MAPK14: variants seen among roughly 807,000 people sequenced by gnomAD.
MAPK14 encodes CSAID-binding protein.
Under a neutral mutation model 49.6 loss-of-function variants are expected in MAPK14, and 16 were observed. The observed-to-expected ratio is 0.32, with a 90% CI of 0.22 to 0.49. The LOEUF (loss-of-function observed/expected upper bound fraction) is 0.49. MAPK14 is among the 20% of genes least tolerant of loss of function. The probability of loss-of-function intolerance (pLI) is 0.99; values close to 1 mark genes in which losing one functional copy is unlikely to be tolerated. For synonymous variants in MAPK14, 142 were observed against 158.0 expected (o/e 0.90, Z 0.76); for missense variants, 200 against 441.2 (o/e 0.45, Z 4.90).
At chr6:36,045,768 C>A (rs1330751951) in intron 1 of MAPK14, among the ~76,000 whole-genome samples, 4 of 141,576 alleles carry the variant, frequency 2.8e-5, no homozygotes, top group Non-Finnish European at 4.5e-5. Flanking sequence ...GAGATCGCGC[C>A]ACTGCACTCC....
chr6:36,036,803 C>T (rs1331006636), intron 1 of MAPK14, among the ~76,000 whole-genome samples: 3 of 152,100 alleles, frequency 2.0e-5, no homozygotes, highest in Admixed American at 6.5e-5. Context: ...TGCAGTGGCA[C>T]GATCTTGGCT....
rs1284126217 is a variant in MAPK14 at position 36,107,289 on chromosome 6, CACAT to C, written c.842-162_842-159del. On this transcript the variant is annotated intron_variant, in intron 10 of 11. Coordinates refer to ENST00000229794, the MANE Select transcript of MAPK14 (RefSeq NM_139012.3). This position sits in a 1 kb window ranked among gnomAD's most constrained non-coding sequence, Gnocchi z 4.3. Reference sequence around the variant, plus strand: ...ACAGATACACACACACACACACACACACATACACACATAAAGGAGAAGAGGGCTA... The same window carrying C: ...ACAGATACACACACACACACACACACACACACATAAAGGAGAAGAGGGCTA... Among the ~76,000 whole-genome samples the C allele has an allele frequency of 7.3e-5, 11 of 150,472 alleles. No homozygotes were observed. Among genetic ancestry groups the C allele is most frequent in the African/African-American group, 2.2e-4 (9 of 40,674 alleles).
At chr6:36,101,061 A>G (rs899159614) in intron 9 of MAPK14, among the ~76,000 whole-genome samples, 1 of 152,146 alleles carries the variant, frequency 6.6e-6, no homozygotes, top group African/African-American at 2.4e-5. Context: ...TATGTATTCA[A>G]TTCCTAAAAC....
At chr6:36,103,313 T>TTTA (rs1414719405) in intron 10 of MAPK14, among the ~76,000 whole-genome samples, 1 of 146,020 alleles carries the variant, frequency 6.8e-6, no homozygotes, top group African/African-American at 2.5e-5. Context: ...AAGGAGTTGC[T>TTTA]TTATTATTAT....
intron 3 of MAPK14, among the ~76,000 whole-genome samples, chr6:36,070,443 G>A (rs1427329948): frequency 6.6e-6 from 1 of 152,138 alleles, no homozygotes; most frequent in Non-Finnish European, 1.5e-5. Context: ...CAGAGTTATT[G>A]GGAAGAGTAC....
intron 3 of MAPK14, among the ~76,000 whole-genome samples, chr6:36,070,156 G>A (rs774225649): frequency 5.9e-5 from 9 of 152,286 alleles, no homozygotes; most frequent in Non-Finnish European, 1.3e-4. Flanking sequence ...ACAGTATTGA[G>A]AATTACTAAG....
intron 1 of MAPK14, among the ~76,000 whole-genome samples, chr6:36,034,931 C>T (rs1246771144): frequency 7.4e-6 from 1 of 135,924 alleles, no homozygotes; most frequent in African/African-American, 2.9e-5. Context: ...CGGAGTTCTG[C>T]TCTGTCGCCC....
Position 36,028,881 on chromosome 6 carries a change from C to T in MAPK14, c.116+608C>T, listed in dbSNP as rs963077758. Among the ~76,000 whole-genome samples the T allele has an allele frequency of 6.7e-6, 1 of 149,448 alleles. No homozygotes were observed. Among genetic ancestry groups the T allele is most frequent in the African/African-American group, 2.5e-5 (1 of 40,386 alleles). On this transcript the variant is annotated intron_variant, in intron 1 of 11. Transcript: ENST00000229794. This position sits in a 1 kb window ranked among gnomAD's most constrained non-coding sequence, Gnocchi z 5.1. ...ATTCGCACTTGAATTAACAGCGATC[C>T]ATAGAGCTTAAAATACCGACTTTAT...
chr6:36,035,751 T>A (rs1468845604), intron 1 of MAPK14, among the ~76,000 whole-genome samples: 1 of 152,182 alleles, frequency 6.6e-6, no homozygotes, highest in Non-Finnish European at 1.5e-5. Context: ...GTGGTCTGGA[T>A]AAAAGATCAG....
At chr6:36,066,270 C>A (rs1417968592) in intron 3 of MAPK14, among the ~76,000 whole-genome samples, 1 of 152,138 alleles carries the variant, frequency 6.6e-6, no homozygotes, top group African/African-American at 2.4e-5. Flanking sequence ...TTTCTCATCA[C>A]ATTTTTCTGA....
intron 4 of MAPK14, 52 bp from the exon 5 acceptor site, chr6:36,073,638 AT>A: frequency 7.1e-7 from 1 of 1,409,314 alleles, no homozygotes; most frequent in Non-Finnish European, 1.0e-6. Flanking sequence ...AATATGTTAT[AT>A]AATATGACAA....
chr6:36,053,180 T>G (rs1057475113), intron 2 of MAPK14, among the ~76,000 whole-genome samples: 5 of 148,316 alleles, frequency 3.4e-5, no homozygotes, highest in African/African-American at 1.2e-4. Flanking sequence ...AAGGCTATAT[T>G]ATGAGAATAT....
At chr6:36,032,790 T>C (rs769775308) in intron 1 of MAPK14, among the ~76,000 whole-genome samples, 3 of 152,244 alleles carry the variant, frequency 2.0e-5, no homozygotes, top group Non-Finnish European at 4.4e-5. Context: ...TGCTATGTTC[T>C]AGCATTGTGC....
chr6:36,101,076 T>G (rs1173869366), intron 9 of MAPK14, among the ~76,000 whole-genome samples: 1 of 152,208 alleles, frequency 6.6e-6, no homozygotes, highest in East Asian at 1.9e-4. Flanking sequence ...TAAAACTTTC[T>G]TTTCAAATCA....
At chr6:36,054,955 C>G (rs558007402) in intron 2 of MAPK14, among the ~76,000 whole-genome samples, 2 of 152,330 alleles carry the variant, frequency 1.3e-5, no homozygotes, top group African/African-American at 4.8e-5. Flanking sequence ...TGATCTTTTA[C>G]ACAAAAATGC....
chr6:36,028,060 C>G lies in MAPK14; in HGVS notation c.-98C>G, dbSNP rs1762376463. The G allele has an allele frequency of 1.4e-6, 1 of 736,836 alleles. No individual in the cohort carries two copies. The highest frequency in any genetic ancestry group is 2.2e-6 in the Non-Finnish European group (1 of 459,796). 45.6% of individuals were successfully genotyped at this position (736,836 alleles called of 1,614,324 possible). On this transcript the variant is annotated 5_prime_UTR_variant, in exon 1 of 12. Coordinates refer to ENST00000229794, the MANE Select transcript of MAPK14 (RefSeq NM_139012.3). The surrounding 1 kb of genome is among the most constrained non-coding windows in gnomAD (Gnocchi z 5.1). ...TGCGCGGGCGACCAGCGCAAGGTCCCCGCCCGGCTGGGCGGGCAGCAAGGG... is the reference window on the plus strand; with the variant it reads ...TGCGCGGGCGACCAGCGCAAGGTCCGCGCCCGGCTGGGCGGGCAGCAAGGG...
intron 2 of MAPK14, among the ~76,000 whole-genome samples, chr6:36,054,782 T>G (rs566510632): frequency 6.6e-6 from 1 of 152,346 alleles, no homozygotes; most frequent in African/African-American, 2.4e-5. Context: ...GAAATTCATC[T>G]CGTTTACCCT....
chr6:36,105,274 A>T (rs1765767235), intron 10 of MAPK14, among the ~76,000 whole-genome samples: 1 of 151,846 alleles, frequency 6.6e-6, no homozygotes, highest in African/African-American at 2.4e-5. Flanking sequence ...ATGGCATCTC[A>T]CTCTGTCACC....
At chr6:36,062,061 T>G (rs937030877) in intron 3 of MAPK14, among the ~76,000 whole-genome samples, 9 of 152,172 alleles carry the variant, frequency 5.9e-5, no homozygotes, top group Middle Eastern at 3.2e-3. Flanking sequence ...CACTGCCACC[T>G]CTGCCTCCCA....
Sources: gnomAD v4.1 joint callset for allele counts (sites outside exome capture counted in the v4.1 genomes callset) on GRCh38, gnomAD v4.1.1 for gene constraint, Gnocchi (gnomAD v3.1) non-coding constraint, MANE v1.5 for transcripts, NCBI Gene and HGNC (gene_info 2026-07-23, HGNC 2026-07-21) for gene names.